The following SPATA7 variants were observed in gnomAD, a reference collection of about 807,000 sequenced individuals.
The protein encoded by SPATA7 is spermatogenesis-associated protein 7.
SPATA7 carries 43 observed loss-of-function variants against 51.8 expected under a neutral mutation model. The observed-to-expected ratio is 0.83, with a 90% CI of 0.65 to 1.07. The LOEUF is 1.07. SPATA7 is among the 50% of genes least tolerant of loss of function. The probability of loss-of-function intolerance (pLI) is 0.00; values close to 1 mark genes in which losing one functional copy is unlikely to be tolerated. For synonymous variants in SPATA7, 230 were observed against 252.8 expected, an observed-to-expected ratio of 0.91 and a Z score of 0.86; for missense variants, 683 against 701.3, an observed-to-expected ratio of 0.97 and a Z score of 0.30.
At chr14:88,418,457 T>A (rs572776441) in intron 5 of SPATA7, among the ~76,000 whole-genome samples, 46 of 151,572 alleles carry the variant, frequency 3.0e-4, no homozygotes, top group African/African-American at 1.1e-3. Flanking sequence ...TATTTTACAA[T>A]TTTCTTTTTG....
exon 5 of SPATA7, chr14:88,470,045 A>G: frequency 6.2e-7 from 1 of 1,612,822 alleles, no homozygotes; most frequent in Non-Finnish European, 8.5e-7. Flanking sequence ...TTCCACTGAC[A>G]GAGACCTGGG....
intron 4 of SPATA7, among the ~76,000 whole-genome samples, chr14:88,408,656 T>A (rs188505390): frequency 6.6e-6 from 1 of 152,266 alleles, no homozygotes; most frequent in East Asian, 1.9e-4. Context: ...TGAATAGGAG[T>A]GATGAGAGAG....
downstream of SPATA7, among the ~76,000 whole-genome samples, chr14:88,457,080 C>T (rs925609916): frequency 2.0e-5 from 3 of 152,050 alleles, no homozygotes; most frequent in African/African-American, 7.2e-5. Context: ...TTCCATTGGT[C>T]TATATCTCTG....
chr14:88,388,027 C>T (rs914860238), intron 1 of SPATA7, among the ~76,000 whole-genome samples: 1 of 151,688 alleles, frequency 6.6e-6, no homozygotes, highest in Admixed American at 6.6e-5. Context: ...AGAATTAAAC[C>T]CTGTCTCCAC....
chr14:88,416,679 C>A (rs771425592), intron 4 of SPATA7, 32 bp from the exon 5 acceptor site: 1 of 1,609,584 alleles, frequency 6.2e-7, no homozygotes, highest in Non-Finnish European at 8.5e-7. Context: ...CTATTTTGTT[C>A]CATATTTTGA....
At chr14:88,452,481 A>T (rs1187359656) in intron 3 of SPATA7, among the ~76,000 whole-genome samples, 1 of 152,116 alleles carries the variant, frequency 6.6e-6, no homozygotes, top group African/African-American at 2.4e-5. Context: ...GCGGGGCCAT[A>T]GAGCTCCCAA....
chr14:88,391,334 TTG>T, intron 1 of SPATA7, 45 bp from the exon 2 acceptor site: 1 of 1,404,372 alleles, frequency 7.1e-7, no homozygotes, highest in Non-Finnish European at 1.0e-6. Context: ...TTTGTAAAAG[TTG>T]TGTTTCATTT....
At chr14:88,448,210 C>T (rs1483749912) in intron 3 of SPATA7, among the ~76,000 whole-genome samples, 4 of 152,092 alleles carry the variant, frequency 2.6e-5, no homozygotes, top group Non-Finnish European at 5.9e-5. Flanking sequence ...CTCTAAACTT[C>T]CCTTCCCGCT....
At chr14:88,454,780 C>T (rs2077273616) in intron 3 of SPATA7, among the ~76,000 whole-genome samples, 1 of 151,850 alleles carries the variant, frequency 6.6e-6, no homozygotes, top group African/African-American at 2.4e-5. Flanking sequence ...TTCACTCCAC[C>T]CTGGGTGACA....
intron 4 of SPATA7, chr14:88,467,250 T>C (rs2077379097): frequency 6.6e-6 from 1 of 151,586 alleles, no homozygotes; most frequent in Admixed American, 6.6e-5. Context: ...AAGCAACACA[T>C]ATATTAAAAC....
chr14:88,414,695 C>T, intron 4 of SPATA7: 1 of 395,614 alleles, frequency 2.5e-6, no homozygotes, highest in Middle Eastern at 6.3e-4. Context: ...TGTAAACTTG[C>T]CTCTTAACAC....
chr14:88,408,352 A>G (rs995371336), intron 4 of SPATA7, among the ~76,000 whole-genome samples: 1 of 151,904 alleles, frequency 6.6e-6, no homozygotes, highest in African/African-American at 2.4e-5. Flanking sequence ...ATTCTTAGGT[A>G]TTTTATTCTC....
chr14:88,464,093 C>T (rs2077336807), intron 4 of SPATA7, among the ~76,000 whole-genome samples: 1 of 151,978 alleles, frequency 6.6e-6, no homozygotes, highest in Admixed American at 6.6e-5. Context: ...CCCGCCTCGG[C>T]CTCCCAAAGT....
rs536396826 is a variant in SPATA7, at chr14:88,465,396, G to A, written c.255-4451G>A. Among the ~76,000 whole-genome samples, 7 of 152,274 alleles carry A rather than the reference G, an allele frequency of 4.6e-5. 1 individual carries two copies. The highest frequency in any genetic ancestry group is 1.7e-4 in the African/African-American group (7 of 41,542). ...GCAGGAGAATCACTCGAACCCAGGA[G>A]GCAGAGGTTGCAGTGAGCCGAGATC... On this transcript the variant is annotated intron_variant, in intron 4 of 4. Coordinates refer to the SPATA7 transcript ENST00000556406.
At chr14:88,430,228 C>G (rs1289723665) in intron 8 of SPATA7, among the ~76,000 whole-genome samples, 1 of 151,922 alleles carries the variant, frequency 6.6e-6, no homozygotes, top group Non-Finnish European at 1.5e-5. Context: ...ACACACAATC[C>G]CCTCAGGCTC....
At chr14:88,465,824 T>A (rs2077354965) in intron 4 of SPATA7, 1 of 152,198 alleles carries the variant, frequency 6.6e-6, no homozygotes, top group African/African-American at 2.4e-5. Flanking sequence ...ATTCACTAAC[T>A]GCAATTAAAA....
At chr14:88,409,309 G>T (rs1262584968) in intron 4 of SPATA7, among the ~76,000 whole-genome samples, 1 of 151,796 alleles carries the variant, frequency 6.6e-6, no homozygotes, top group Admixed American at 6.6e-5. Context: ...TCGACTTCTT[G>T]TTTAGTCTCA....
downstream of SPATA7, among the ~76,000 whole-genome samples, chr14:88,443,277 A>G (rs559158962): frequency 1.3e-4 from 19 of 151,948 alleles, no homozygotes; most frequent in African/African-American, 2.2e-4. Context: ...TACCATTTCA[A>G]TCTCACTGCT....
chr14:88,459,169 A>G (rs1459730011), downstream of SPATA7, among the ~76,000 whole-genome samples: 1 of 152,080 alleles, frequency 6.6e-6, no homozygotes, highest in Admixed American at 6.6e-5. Flanking sequence ...GAATAAGGGC[A>G]ATGTGGTGCT....
Sources: gnomAD v4.1 joint callset for allele counts (sites outside exome capture counted in the v4.1 genomes callset) on GRCh38, gnomAD v4.1.1 for gene constraint, MANE v1.5 for transcripts, NCBI Gene and HGNC (gene_info 2026-07-23, HGNC 2026-07-21) for gene names.